Variants in NXN observed in about 807,000 individuals in gnomAD.
NXN encodes nucleoredoxin, also known as nucleoredoxin 1.
A neutral mutation model predicts 48.6 loss-of-function variants in NXN; 16 were observed. The ratio of observed to expected loss-of-function variants is 0.33; its 90% CI spans 0.22 to 0.50. NXN has a LOEUF of 0.50. Ranked by LOEUF, NXN falls within the 20% of genes least tolerant of loss-of-function variation. The pLI, the probability that NXN is intolerant of heterozygous loss-of-function variation, is 0.98. For missense variants in NXN, 492 were observed against 605.5 expected, an observed-to-expected ratio of 0.81 and a Z score of 1.97; for synonymous variants, 281 against 269.6, an observed-to-expected ratio of 1.04 and a Z score of -0.41.
intron 1 of NXN, among the ~76,000 whole-genome samples, chr17:913,971 C>T (rs936613318): frequency 2.0e-5 from 3 of 152,160 alleles, no homozygotes; most frequent in Admixed American, 1.3e-4. Flanking sequence ...ACAATCTTGG[C>T]CTACTGCAAC....
chr17:803,553 TG>T, intron 7 of NXN, 128 bp downstream of exon 7: 1 of 1,144,124 alleles, frequency 8.7e-7, no homozygotes, highest in Non-Finnish European at 1.3e-6. Context: ...CATTTGTCTG[TG>T]GGCTCTCTCA....
rs986437861 is a variant in NXN, at chr17:938,852, G to C, written c.360+40467C>G. Among the ~76,000 whole-genome samples the C allele has an allele frequency of 2.0e-5, 3 of 152,164 alleles. No individual in the cohort carries two copies. In the East Asian group the frequency reaches 5.8e-4, roughly 29 times the overall value. ...AGGCGGGCGGATCACTTGAGGCCAG[G>C]GGTTCAAGACCAGCCTGGCCAACAT... On this transcript the variant is annotated intron_variant, in intron 1 of 7. Coordinates refer to ENST00000336868, the MANE Select transcript of NXN (RefSeq NM_022463.5).
chr17:899,788 G>C (rs1420825162), intron 1 of NXN, among the ~76,000 whole-genome samples: 2 of 152,154 alleles, frequency 1.3e-5, no homozygotes, highest in Non-Finnish European at 2.9e-5. Context: ...TACTAGGGAG[G>C]ATGAGGCAGG....
At chr17:872,218 G>A (rs2068162306) in intron 1 of NXN, among the ~76,000 whole-genome samples, 2 of 150,372 alleles carry the variant, frequency 1.3e-5, no homozygotes, top group East Asian at 2.0e-4. Flanking sequence ...GAGAGGGGGA[G>A]AGAGGGAGAG....
At position 978,595 on chromosome 17, in the gene NXN, G is replaced by C. The variant is rs2069489648; in HGVS notation, c.360+724C>G. ...GTCTGGGGAGGAGGCTGGACGGCCA[G>C]ACAATGCAAAGCTCCCCGGTGGCCG... On this transcript the variant is annotated intron_variant, in intron 1 of 7. Transcript: ENST00000336868. This position sits in a 1 kb window ranked among gnomAD's most constrained non-coding sequence, Gnocchi z 4.1. 6.6e-6 allele frequency: 1 copy of C among 152,390 alleles called. No individual in the cohort carries two copies. Among genetic ancestry groups the C allele is most frequent in the Non-Finnish European group, 1.5e-5 (1 of 68,168 alleles). 9.4% of individuals were successfully genotyped at this position (152,390 alleles called of 1,614,324 possible).
intron 1 of NXN, among the ~76,000 whole-genome samples, chr17:964,168 G>A (rs989134803): frequency 1.3e-5 from 2 of 152,176 alleles, no homozygotes; most frequent in African/African-American, 4.8e-5. Context: ...CTGAGCAGAG[G>A]AATATAAATG....
intron 1 of NXN, among the ~76,000 whole-genome samples, chr17:972,723 T>G (rs1278069196): frequency 6.6e-6 from 1 of 151,936 alleles, no homozygotes; most frequent in Non-Finnish European, 1.5e-5. Flanking sequence ...CAACAAAAGG[T>G]AGGAATATTT....
At chr17:809,847 G>A (rs531470806) in intron 5 of NXN, among the ~76,000 whole-genome samples, 10 of 151,820 alleles carry the variant, frequency 6.6e-5, no homozygotes, top group East Asian at 3.9e-4. Flanking sequence ...GAGCCAGTGC[G>A]AGCGGCGGGC....
intron 1 of NXN, among the ~76,000 whole-genome samples, chr17:879,164 T>C (rs180813574): frequency 7.3e-4 from 111 of 151,186 alleles, no homozygotes; most frequent in African/African-American, 2.7e-3. Flanking sequence ...AAACTCTGTC[T>C]CAAAAAAAAC....
At chr17:935,488 G>A (rs1484340661) in intron 1 of NXN, among the ~76,000 whole-genome samples, 3 of 152,154 alleles carry the variant, frequency 2.0e-5, no homozygotes, top group Non-Finnish European at 4.4e-5. Context: ...TTAAAGGTCT[G>A]GCAAGGTTGT....
intron 1 of NXN, among the ~76,000 whole-genome samples, chr17:891,854 G>A (rs76588148): frequency 2.8e-4 from 20 of 72,116 alleles, no homozygotes; most frequent in Admixed American, 8.1e-4. Flanking sequence ...ACCATGTACA[G>A]CCCAACAGGG....
At position 932,548 on chromosome 17, in the gene NXN, G is replaced by A. The variant is rs748494921; in HGVS notation, c.360+46771C>T. 4.8e-4 allele frequency among the ~76,000 whole-genome samples: 73 copies of A among 152,336 alleles called. No individual in the cohort carries two copies. Among genetic ancestry groups the A allele is most frequent in the Non-Finnish European group, 7.1e-4 (48 of 68,032 alleles). On this transcript the variant is annotated intron_variant, in intron 1 of 7. Coordinates refer to ENST00000336868, the MANE Select transcript of NXN (RefSeq NM_022463.5). This position sits in a 1 kb window ranked among gnomAD's most constrained non-coding sequence, Gnocchi z 4.1. Reference sequence around the variant, plus strand: ...AAGGCAGCTTCAGGGGAAGGCCTGAGCCCCTTCTAAGAAAACACAGGCTGG... The same window carrying A: ...AAGGCAGCTTCAGGGGAAGGCCTGAACCCCTTCTAAGAAAACACAGGCTGG...
chr17:948,687 TCCCAACGCGGGGCCTCACCCCGGC>T (rs2069073379), intron 1 of NXN, among the ~76,000 whole-genome samples: 1 of 151,874 alleles, frequency 6.6e-6, no homozygotes, highest in Admixed American at 6.6e-5. Flanking sequence ...GACAGCTGGG[TCCCAACGCGGGGCCTCACCCCGGC>T]CCGTCCCGCC....
rs1001021742 is a variant in NXN, at chr17:917,384, G to A, written c.360+61935C>T. ...TCTCAATCTCTTGACCTCGTGATCCGCCTGCCTTGGCCTCTGAAAGTGCTG... is the reference window on the plus strand; with the variant it reads ...TCTCAATCTCTTGACCTCGTGATCCACCTGCCTTGGCCTCTGAAAGTGCTG... On this transcript the variant is annotated intron_variant, in intron 1 of 7. Transcript: ENST00000336868. This position sits in a 1 kb window ranked among gnomAD's most constrained non-coding sequence, Gnocchi z 4.5. Among the ~76,000 whole-genome samples, 1 of 152,164 alleles carries A rather than the reference G, an allele frequency of 6.6e-6. No individual in the cohort carries two copies. Among genetic ancestry groups the A allele is most frequent in the East Asian group, 1.9e-4 (1 of 5,182 alleles).
chr17:801,163 A>G, intron 7 of NXN, 32 bp from the exon 8 acceptor site: 1 of 1,477,414 alleles, frequency 6.8e-7, no homozygotes, highest in African/African-American at 1.4e-5. Context: ...GAAAACCAAG[A>G]AGTTTTAAAG....
At chr17:976,408 C>T (rs1023706811) in intron 1 of NXN, among the ~76,000 whole-genome samples, 6 of 152,022 alleles carry the variant, frequency 3.9e-5, no homozygotes, top group African/African-American at 1.5e-4. Context: ...AGAACCATAC[C>T]CTTTGTTATC....
At position 825,524 on chromosome 17, in the gene NXN, ACCG is replaced by A. The variant is rs1375308300; in HGVS notation, c.478+434_478+436del. 1 of 165,768 alleles carries A rather than the reference ACCG, an allele frequency of 6.0e-6. No individual in the cohort carries two copies. The highest frequency in any genetic ancestry group is 1.3e-5 in the Non-Finnish European group (1 of 75,560). 10.3% of individuals were successfully genotyped at this position (165,768 alleles called of 1,614,324 possible). A position where few individuals can be genotyped will look rare whatever the true frequency, so the allele number is the denominator to read the frequency against. Reference sequence around the variant, plus strand: ...CAGCTCCAAGCAACGAGGTGCACTCACCGCCAAGGCCAGGAGAGTGACACGGGG... The same window carrying A: ...CAGCTCCAAGCAACGAGGTGCACTCACCAAGGCCAGGAGAGTGACACGGGG... On this transcript the variant is annotated intron_variant, in intron 2 of 7. Transcript: ENST00000336868. This position sits in a 1 kb window ranked among gnomAD's most constrained non-coding sequence, Gnocchi z 4.1.
At chr17:839,769 C>T (rs1914031741) in intron 1 of NXN, among the ~76,000 whole-genome samples, 1 of 137,938 alleles carries the variant, frequency 7.2e-6, no homozygotes, top group East Asian at 2.2e-4. Context: ...TGCCACTGCA[C>T]TCCAGCCTGG....
intron 1 of NXN, among the ~76,000 whole-genome samples, chr17:931,178 A>G (rs55990547): frequency 0.28 from 41,634 of 151,292 alleles, 6,756 homozygotes; most frequent in East Asian, 0.44. Context: ...GCCCAACGAC[A>G]CAGGAGGCTG....
Sources: gnomAD v4.1 joint callset for allele counts (sites outside exome capture counted in the v4.1 genomes callset) on GRCh38, gnomAD v4.1.1 for gene constraint, Gnocchi (gnomAD v3.1) non-coding constraint, MANE v1.5 for transcripts, NCBI Gene and HGNC (gene_info 2026-07-23, HGNC 2026-07-21) for gene names.